The following MACROD2 variants were observed in gnomAD, a reference collection of about 807,000 sequenced individuals.
MACROD2 encodes the protein mono-ADP ribosylhydrolase 2, also known as ADP-ribose glycohydrolase MACROD2.
A neutral mutation model predicts 70.4 loss-of-function variants in MACROD2; 36 were observed. The ratio of observed to expected loss-of-function variants is 0.51; its 90% CI spans 0.39 to 0.68. The LOEUF is 0.68. Among genes scored for constraint, MACROD2 ranks in the 30% least tolerant of loss-of-function variants. The pLI, the probability that MACROD2 is intolerant of heterozygous loss-of-function variation, is 0.00. For synonymous variants in MACROD2, 172 were observed against 178.8 expected, an observed-to-expected ratio of 0.96 and a Z score of 0.30; for missense variants, 496 against 538.4, an observed-to-expected ratio of 0.92 and a Z score of 0.78.
chr20:15,499,887 GTAATT>G (rs1568851264), intron 8 of MACROD2, 40 bp downstream of exon 8: 1 of 1,581,918 alleles, frequency 6.3e-7, no homozygotes, highest in Admixed American at 1.7e-5. Flanking sequence ...CCAAGATGAT[GTAATT>G]TGATGCTCAG....
intron 8 of MACROD2, among the ~76,000 whole-genome samples, chr20:15,852,135 C>T (rs117448418): frequency 2.6e-5 from 4 of 152,248 alleles, no homozygotes; most frequent in Middle Eastern, 3.4e-3. Flanking sequence ...TCAAGGACCA[C>T]GACAGATGTG....
intron 2 of MACROD2, among the ~76,000 whole-genome samples, chr20:14,014,229 T>TC (rs577300457): frequency 1.9e-4 from 10 of 53,052 alleles, no homozygotes; most frequent in Non-Finnish European, 4.3e-4. Context: ...TGCTCCCCCC[T>TC]CCCCCCCACC....
rs1983839120 is a variant in MACROD2, at chr20:14,621,740, C to T, written c.302-63103C>T. ...TGTACAAAAAGTTAAAACCCCAATC[C>T]AAATTAATTTTTATTTGTTTTGTAG... On this transcript the variant is annotated intron_variant, in intron 4 of 17. Transcript: ENST00000684519. 9 of 152,202 alleles carry T rather than the reference C, an allele frequency of 5.9e-5. No homozygotes were observed. The South Asian group carries it at 1.9e-3, about 32-fold the overall frequency. 9.4% of individuals were successfully genotyped at this position (152,202 alleles called of 1,614,324 possible).
chr20:15,451,693 A>C (rs914027891), intron 7 of MACROD2, among the ~76,000 whole-genome samples: 1 of 152,148 alleles, frequency 6.6e-6, no homozygotes, highest in African/African-American at 2.4e-5. Context: ...CAGGAAAGAA[A>C]AATGAGGCCT....
At chr20:14,571,166 G>A (rs1980166849) in intron 4 of MACROD2, among the ~76,000 whole-genome samples, 1 of 152,014 alleles carries the variant, frequency 6.6e-6, no homozygotes, top group African/African-American at 2.4e-5. Context: ...AGTCAGGCCT[G>A]GAGAAAAAGA....
At chr20:15,191,935 G>GAGAGAGAT (rs1568626602) in intron 5 of MACROD2, among the ~76,000 whole-genome samples, 1 of 141,758 alleles carries the variant, frequency 7.1e-6, no homozygotes, top group African/African-American at 2.6e-5. Context: ...TATATATAGA[G>GAGAGAGAT]AGAGAGAGAG....
intron 3 of MACROD2, among the ~76,000 whole-genome samples, chr20:14,386,574 G>T (rs1254573536): frequency 6.6e-6 from 1 of 152,126 alleles, no homozygotes; most frequent in African/African-American, 2.4e-5. Context: ...TCATTTAAAA[G>T]TATGTGGCAC....
chr20:14,625,013 G>A (rs993950236), intron 4 of MACROD2, among the ~76,000 whole-genome samples: 1 of 152,064 alleles, frequency 6.6e-6, no homozygotes, highest in African/African-American at 2.4e-5. Flanking sequence ...TGGCTTGGCC[G>A]GCTGGTGAGG....
At chr20:14,843,132 C>G (rs2122281481) in intron 5 of MACROD2, among the ~76,000 whole-genome samples, 1 of 148,612 alleles carries the variant, frequency 6.7e-6, no homozygotes, top group South Asian at 2.2e-4. Context: ...TATAAAACAA[C>G]TATCTGATCA....
intron 5 of MACROD2, among the ~76,000 whole-genome samples, chr20:14,884,897 G>T (rs909234381): frequency 1.3e-5 from 2 of 152,070 alleles, no homozygotes; most frequent in Non-Finnish European, 2.9e-5. Context: ...TTCATTCCAG[G>T]TATTTATCAA....
chr20:15,444,623 A>G (rs952699564), intron 7 of MACROD2, among the ~76,000 whole-genome samples: 3 of 152,084 alleles, frequency 2.0e-5, no homozygotes, highest in African/African-American at 7.2e-5. Context: ...ACCAAAGAAC[A>G]TCGTGGAAGG....
chr20:15,537,925 C>T (rs764608707), intron 8 of MACROD2, among the ~76,000 whole-genome samples: 18 of 152,170 alleles, frequency 1.2e-4, no homozygotes, highest in Non-Finnish European at 2.5e-4. Context: ...TGTCTCCCAA[C>T]ATAGAGGCCA....
intron 8 of MACROD2, among the ~76,000 whole-genome samples, chr20:15,790,243 A>G (rs1350472228): frequency 1.3e-5 from 2 of 151,988 alleles, no homozygotes; most frequent in African/African-American, 4.8e-5. Flanking sequence ...ATTGTGTGTC[A>G]TTAATCAAGA....
At chr20:14,636,508 T>A (rs1458459522) in intron 4 of MACROD2, 2 of 151,984 alleles carry the variant, frequency 1.3e-5, no homozygotes, top group Non-Finnish European at 2.9e-5. Flanking sequence ...AAGAAACACC[T>A]GCAATGTTGA....
intron 8 of MACROD2, among the ~76,000 whole-genome samples, chr20:15,530,431 T>C (rs1168817946): frequency 4.6e-5 from 7 of 152,178 alleles, no homozygotes; most frequent in Admixed American, 4.6e-4. Flanking sequence ...CCAAGCTGTT[T>C]TTTTAATTAA....
intron 17 of MACROD2, among the ~76,000 whole-genome samples, chr20:16,049,564 GA>G (rs2147630228): frequency 6.6e-6 from 1 of 152,320 alleles, no homozygotes; most frequent in African/African-American, 2.4e-5. Flanking sequence ...ATACTTTGAA[GA>G]ATTGAGTTAA....
intron 6 of MACROD2, among the ~76,000 whole-genome samples, chr20:15,350,319 G>A (rs1360225770): frequency 6.6e-6 from 1 of 152,180 alleles, no homozygotes; most frequent in East Asian, 1.9e-4. Flanking sequence ...AGAAGCTCAA[G>A]CAAAAATTAA....
chr20:14,449,453 C>T (rs2084220637), intron 3 of MACROD2, among the ~76,000 whole-genome samples: 3 of 152,052 alleles, frequency 2.0e-5, no homozygotes, highest in Non-Finnish European at 4.4e-5. Flanking sequence ...AGACACTGTG[C>T]TAGGCTCTGA....
intron 3 of MACROD2, among the ~76,000 whole-genome samples, chr20:14,214,011 T>G (rs1486671906): frequency 6.6e-6 from 1 of 152,158 alleles, no homozygotes; most frequent in East Asian, 1.9e-4. Flanking sequence ...CTTGCCTTGC[T>G]TATCTTAAGA....
Sources: gnomAD v4.1 joint callset for allele counts (sites outside exome capture counted in the v4.1 genomes callset) on GRCh38, gnomAD v4.1.1 for gene constraint, MANE v1.5 for transcripts, NCBI Gene and HGNC (gene_info 2026-07-23, HGNC 2026-07-21) for gene names.